Variants in NTNG1 observed in about 807,000 individuals in gnomAD.
NTNG1 encodes the protein netrin G1.
Under a neutral mutation model 54.0 loss-of-function variants are expected in NTNG1, and 16 were observed. The ratio of observed to expected loss-of-function variants is 0.30; its 90% confidence interval spans 0.20 to 0.45. The LOEUF (loss-of-function observed/expected upper bound fraction) is 0.45, where lower values mean the gene tolerates loss of function less well. Among genes scored for constraint, NTNG1 ranks in the 20% least tolerant of loss-of-function variants. NTNG1 has a pLI of 1.00. For synonymous variants in NTNG1, 255 were observed against 263.1 expected (o/e 0.97, Z 0.30); for missense variants, 530 against 678.7 (o/e 0.78, Z 2.43).
chr1:107,332,573 G>A (rs1342492629), intron 3 of NTNG1, among the ~76,000 whole-genome samples: 1 of 151,968 alleles, frequency 6.6e-6, no homozygotes, highest in African/African-American at 2.4e-5. Context: ...CTGTACCTAG[G>A]ATCAGAGTTT....
chr1:107,436,641 C>A lies in NTNG1; in HGVS notation c.1256-24C>A, dbSNP rs541913099. 52 of 1,608,302 alleles carry A rather than the reference C, an allele frequency of 3.2e-5. No homozygotes were observed. In the East Asian group the frequency reaches 1.1e-3, roughly 34 times the overall value. On this transcript the variant is annotated intron_variant, in intron 6 of 7. Transcript: ENST00000370068. ...TAAGCCATGCAGACTTGTCTCCAGC[C>A]TGTGTGTTGTCTTGTTTCTACAGAG...
chr1:107,192,145 T>A (rs1658002597), intron 2 of NTNG1, among the ~76,000 whole-genome samples: 1 of 152,160 alleles, frequency 6.6e-6, no homozygotes, highest in Admixed American at 6.5e-5. Flanking sequence ...GTCCTTGACA[T>A]CCCTTGTAAG....
intron 2 of NTNG1, among the ~76,000 whole-genome samples, chr1:107,265,415 G>A (rs545999480): frequency 6.6e-6 from 1 of 152,280 alleles, no homozygotes; most frequent in East Asian, 1.9e-4. Context: ...ATTAAAATGA[G>A]AGTCTGGAGG....
rs1319273306 is a variant in NTNG1 at position 107,227,216 on chromosome 1, G to A, written c.246+78377G>A. On this transcript the variant is annotated intron_variant, in intron 2 of 7. Transcript: ENST00000370068. ...TAACAATAAGAGTACTTACCTCACA[G>A]GGTTGTACCTAGTCCAGAGTGAGGG... 3.3e-5 allele frequency among the ~76,000 whole-genome samples: 5 copies of A among 152,232 alleles called. No individual in the cohort carries two copies. The East Asian group carries it at 7.7e-4, about 24-fold the overall frequency.
chr1:107,141,841 G>A, intron 1 of NTNG1, among the ~76,000 whole-genome samples: 1 of 152,134 alleles, frequency 6.6e-6, no homozygotes, highest in East Asian at 1.9e-4. Flanking sequence ...GCGGCTTGTC[G>A]TTATTTTTTC....
chr1:107,341,409 T>C (rs1028344562), intron 3 of NTNG1, among the ~76,000 whole-genome samples: 1 of 152,068 alleles, frequency 6.6e-6, no homozygotes, highest in Non-Finnish European at 1.5e-5. Flanking sequence ...GAGTTCTCTA[T>C]TGGTAGAGAT....
At chr1:107,376,975 A>G (rs1452682748) in intron 3 of NTNG1, among the ~76,000 whole-genome samples, 4 of 152,210 alleles carry the variant, frequency 2.6e-5, no homozygotes, top group Non-Finnish European at 5.9e-5. Flanking sequence ...CATTTAGAGT[A>G]ACATAGGAAA....
At chr1:107,319,885 A>ATATATATATATATAT (rs1557896129) in intron 2 of NTNG1, among the ~76,000 whole-genome samples, 1 of 150,942 alleles carries the variant, frequency 6.6e-6, no homozygotes, top group African/African-American at 2.4e-5. Flanking sequence ...ATATATATAT[A>ATATATATATATATAT]AAACTCTGAA....
At chr1:107,272,578 G>A (rs74108691) in intron 2 of NTNG1, among the ~76,000 whole-genome samples, 2,253 of 152,192 alleles carry the variant, frequency 0.015, 55 homozygotes, top group African/African-American at 0.051. Flanking sequence ...GGTTATTTAT[G>A]TGCTCAGCCT....
At chr1:107,283,831 A>G (rs934253159) in intron 2 of NTNG1, among the ~76,000 whole-genome samples, 1 of 152,148 alleles carries the variant, frequency 6.6e-6, no homozygotes, top group African/African-American at 2.4e-5. Flanking sequence ...CAACTCAGCC[A>G]TTGACTCCTA....
intron 3 of NTNG1, among the ~76,000 whole-genome samples, chr1:107,348,187 A>G (rs1245969064): frequency 6.6e-6 from 1 of 151,926 alleles, no homozygotes; most frequent in African/African-American, 2.4e-5. Context: ...GTGCAGTGGC[A>G]TGGTCTTGGC....
rs1194663739 is a variant in NTNG1, at chr1:107,362,164, A to T, written c.888-32990A>T. On this transcript the variant is annotated intron_variant, in intron 3 of 7. Transcript: ENST00000370068. ...ACCCCAACCTCTACCCATTTTCCTC[A>T]GAACTCTCTCTCTGATCAATTTTCT... Among the ~76,000 whole-genome samples, 3 of 152,290 alleles carry T rather than the reference A, an allele frequency of 2.0e-5. No homozygotes were observed. In the East Asian group the frequency reaches 5.8e-4, roughly 29 times the overall value.
intron 1 of NTNG1, chr1:107,142,970 G>C (rs1653840661): frequency 6.6e-6 from 1 of 152,014 alleles, no homozygotes; most frequent in Non-Finnish European, 1.5e-5. Context: ...AGCAACTTTC[G>C]ATTTTTCATT....
At chr1:107,191,113 G>A (rs1177555040) in intron 2 of NTNG1, among the ~76,000 whole-genome samples, 2 of 152,212 alleles carry the variant, frequency 1.3e-5, no homozygotes, top group Admixed American at 1.3e-4. Flanking sequence ...TTTAATGATC[G>A]CCATTCTAAC....
At chr1:107,206,409 C>T (rs12130500) in intron 2 of NTNG1, among the ~76,000 whole-genome samples, 6,802 of 151,814 alleles carry the variant, frequency 0.045, 155 homozygotes, top group Non-Finnish European at 0.052. Context: ...CATCTTTTTA[C>T]GTTTACTGGC....
At chr1:107,431,651 C>T (rs1489158257) in intron 6 of NTNG1, among the ~76,000 whole-genome samples, 3 of 152,100 alleles carry the variant, frequency 2.0e-5, no homozygotes, top group East Asian at 1.9e-4. Context: ...AGAAAATCTC[C>T]TACCTTTTAC....
At chr1:107,199,425 C>G (rs563326194) in intron 2 of NTNG1, among the ~76,000 whole-genome samples, 1 of 151,784 alleles carries the variant, frequency 6.6e-6, no homozygotes, top group Non-Finnish European at 1.5e-5. Context: ...AACTTCTACA[C>G]GAGTATTAAA....
intron 2 of NTNG1, among the ~76,000 whole-genome samples, chr1:107,215,931 G>T (rs1035253799): frequency 6.6e-6 from 1 of 151,920 alleles, no homozygotes; most frequent in Non-Finnish European, 1.5e-5. Flanking sequence ...TTGAGTTCTT[G>T]ATTTGATTCT....
At chr1:107,142,787 G>A (rs1319249021) in intron 1 of NTNG1, among the ~76,000 whole-genome samples, 2 of 150,398 alleles carry the variant, frequency 1.3e-5, no homozygotes, top group Admixed American at 6.6e-5. Context: ...TTTTTCAGGG[G>A]AGGCTTTTCT....
Sources: gnomAD v4.1 joint callset for allele counts (sites outside exome capture counted in the v4.1 genomes callset) on GRCh38, gnomAD v4.1.1 for gene constraint, MANE v1.5 for transcripts, NCBI Gene and HGNC (gene_info 2026-07-23, HGNC 2026-07-21) for gene names.